SDC3: variants seen among roughly 807,000 people sequenced by gnomAD.
SDC3 encodes the protein syndecan 3, also known as syndecan-3.
Under a neutral mutation model 24.4 loss-of-function variants are expected in SDC3, and 13 were observed. The observed-to-expected ratio is 0.53, with a 90% CI of 0.35 to 0.85. SDC3 has a LOEUF of 0.85. SDC3 is among the 40% of genes least tolerant of loss of function. The pLI, the probability that SDC3 is intolerant of heterozygous loss-of-function variation, is 0.01. For missense variants in SDC3, 571 were observed against 584.5 expected, an observed-to-expected ratio of 0.98 and a Z score of 0.24; for synonymous variants, 295 against 260.9, an observed-to-expected ratio of 1.13 and a Z score of -1.26.
chr1:30,876,810 C>T lies in SDC3; in HGVS notation c.612G>A (p.Arg204=), dbSNP rs374723358. The T allele has an allele frequency of 2.3e-5, 37 of 1,608,504 alleles. No individual in the cohort carries two copies. Among genetic ancestry groups the T allele is most frequent in the South Asian group, 1.1e-4 (10 of 90,616 alleles). Residue 204 remains arginine (R), a synonymous_variant, in exon 3 of 5, where the codon AGG becomes AGA. Coordinates refer to ENST00000339394, the MANE Select transcript of SDC3 (RefSeq NM_014654.4). ...PPFTATTAVI[R]TTGVRRLLPL... ...GCAGAAGCCTCCGTACGCCAGTGGT[C>T]CTTATAACAGCAGTGGTGGCCGTAA...
chr1:30,890,806 C>T (rs2124329660), intron 1 of SDC3, among the ~76,000 whole-genome samples: 1 of 152,294 alleles, frequency 6.6e-6, no homozygotes, highest in African/African-American at 2.4e-5. Context: ...GCCCTGCTCA[C>T]CTCCTCTCCC....
At chr1:30,877,411 C>G (rs1639664588) in intron 2 of SDC3, 1 of 614,458 alleles carries the variant, frequency 1.6e-6, no homozygotes, top group Non-Finnish European at 2.9e-6. Flanking sequence ...GGAAGCCTTC[C>G]TTGACTATTC....
At position 30,908,608 on chromosome 1, in the gene SDC3, G is replaced by A; in HGVS notation, c.-22C>T. ...TCATGGCGGCGGCGCGGGCGCGGGC[G>A]GCGGGCGGCGGGCGGGCGCCTTTGT... On this transcript the variant is annotated 5_prime_UTR_variant, in exon 1 of 5. Coordinates refer to ENST00000339394, the MANE Select transcript of SDC3 (RefSeq NM_014654.4). 2.2e-6 allele frequency: 2 copies of A among 918,214 alleles called. No homozygotes were observed. The highest frequency in any genetic ancestry group is 2.6e-6 in the Non-Finnish European group (2 of 774,674). The allele number at this position is 918,214 out of a possible 1,614,324, so 56.9% of individuals were successfully genotyped here. A position where few individuals can be genotyped will look rare whatever the true frequency, so the allele number is the denominator to read the frequency against.
At chr1:30,878,513 G>T in intron 2 of SDC3, 110 bp downstream of exon 2, 1 of 812,684 alleles carries the variant, frequency 1.2e-6, no homozygotes, top group Non-Finnish European at 2.1e-6. Context: ...GACCCAGGCA[G>T]TGAATGCCCC....
In SDC3 at chr1:30,878,612, G is replaced by T. The variant is rs184949255; in HGVS notation, c.256+11C>A. 4 of 1,603,190 alleles carry T rather than the reference G, an allele frequency of 2.5e-6. No homozygotes were observed. The highest frequency in any genetic ancestry group is 2.7e-5 in the African/African-American group (2 of 74,906). On this transcript the variant is annotated intron_variant, in intron 2 of 4. Transcript: ENST00000339394. ...CTGCCCCCAGGCAGAGGTAGGGAGG[G>T]GGGTACTTACAGCCCGAGCCCGACC...
chr1:30,890,485 G>A (rs1325523601), intron 1 of SDC3, among the ~76,000 whole-genome samples: 1 of 152,226 alleles, frequency 6.6e-6, no homozygotes, highest in Non-Finnish European at 1.5e-5. Flanking sequence ...GCCTATGCCT[G>A]CAGGGATTGT....
chr1:30,907,339 G>T (rs1638539103), intron 1 of SDC3, among the ~76,000 whole-genome samples: 1 of 152,180 alleles, frequency 6.6e-6, no homozygotes, highest in South Asian at 2.1e-4. Flanking sequence ...CCCTGACGGA[G>T]CTGGGACCAA....
intron 1 of SDC3, among the ~76,000 whole-genome samples, chr1:30,904,960 C>A (rs1638486553): frequency 6.6e-6 from 1 of 152,142 alleles, no homozygotes; most frequent in Non-Finnish European, 1.5e-5. Flanking sequence ...GACTTTGAGA[C>A]AGAAAGAAAT....
chr1:30,885,702 C>A (rs1175836745), intron 1 of SDC3, among the ~76,000 whole-genome samples: 2 of 152,226 alleles, frequency 1.3e-5, no homozygotes, highest in Admixed American at 1.3e-4. Flanking sequence ...CTTGGCAGGA[C>A]CTGGCTCCCT....
Position 30,873,311 on chromosome 1 carries a change from C to G in SDC3, c.1229G>C (p.Arg410Pro). 1 of 1,612,522 alleles carries G rather than the reference C, an allele frequency of 6.2e-7. No individual in the cohort carries two copies. The highest frequency in any genetic ancestry group is 2.2e-5 in the East Asian group (1 of 44,876). The part of the protein sequence containing the change: ...AAFLVTLLIY[R>P]MKKKDEGSYT... ...GCTGCCCTCATCCTTTTTCTTCATA[C>G]GATAGATGAGCAGTGTGACCAAGAA... Residue 410 changes from arginine to proline, a missense_variant, in exon 5 of 5, where the codon CGT becomes CCT. Physicochemically the swap from Arg to Pro is moderately radical, Grantham distance 103. Transcript: ENST00000339394.
chr1:30,869,884 C>T lies in SDC3; in HGVS notation c.*3327G>A. 2.5e-6 allele frequency: 1 copy of T among 398,618 alleles called. No homozygotes were observed. Among genetic ancestry groups the T allele is most frequent in the Non-Finnish European group, 4.4e-6 (1 of 226,094 alleles). 24.7% of individuals were successfully genotyped at this position (398,618 alleles called of 1,614,324 possible). A position where few individuals can be genotyped will look rare whatever the true frequency, so the allele number is the denominator to read the frequency against. On this transcript the variant is annotated 3_prime_UTR_variant, in exon 5 of 5. Coordinates refer to ENST00000339394, the MANE Select transcript of SDC3 (RefSeq NM_014654.4). ...ACGAAAAATATTTACATGCATTTGCCACGCTGAGGCCAGGGTCACTGTGGT... is the reference window on the plus strand; with the variant it reads ...ACGAAAAATATTTACATGCATTTGCTACGCTGAGGCCAGGGTCACTGTGGT...
At chr1:30,876,251 GAATT>G (rs1243122296) in intron 3 of SDC3, among the ~76,000 whole-genome samples, 1 of 152,142 alleles carries the variant, frequency 6.6e-6, no homozygotes, top group Non-Finnish European at 1.5e-5. Flanking sequence ...CCAGACCACT[GAATT>G]AATTCTCTCA....
intron 1 of SDC3, among the ~76,000 whole-genome samples, chr1:30,879,502 G>C (rs1026787843): frequency 6.6e-6 from 1 of 152,094 alleles, no homozygotes; most frequent in Non-Finnish European, 1.5e-5. Context: ...TGCCCAGAAA[G>C]AAAAATACCC....
chr1:30,877,091 G>C lies in SDC3; in HGVS notation c.331C>G (p.Pro111Ala), dbSNP rs1220068502. Residue 111 changes from proline (P) to alanine (A), a missense_variant, in exon 3 of 5, where the codon CCT becomes GCT. Coordinates refer to ENST00000339394, the MANE Select transcript of SDC3 (RefSeq NM_014654.4). ...PDVALAVSTT[P>A]AVLPTTNIQP... ...ATGTTCGTGGTGGGCAGCACCGCAG[G>C]TGTGGTGGACACCGCCAGGGCTACA... 6.2e-7 allele frequency: 1 copy of C among 1,613,918 alleles called. No homozygotes were observed. Among genetic ancestry groups the C allele is most frequent in the Non-Finnish European group, 8.5e-7 (1 of 1,179,998 alleles).
At chr1:30,883,568 G>A (rs1032491802) in intron 1 of SDC3, among the ~76,000 whole-genome samples, 1 of 152,174 alleles carries the variant, frequency 6.6e-6, no homozygotes, top group South Asian at 2.1e-4. Context: ...TAGGGCAGTT[G>A]TGAGAATCAA....
chr1:30,908,953 C>T (rs1365696378), upstream of SDC3, among the ~76,000 whole-genome samples: 8 of 151,630 alleles, frequency 5.3e-5, no homozygotes, highest in East Asian at 1.6e-3. Context: ...GGCACCCGGA[C>T]ACCTGAGTGA....
chr1:30,890,283 G>A (rs1639886161), intron 1 of SDC3, among the ~76,000 whole-genome samples: 1 of 152,222 alleles, frequency 6.6e-6, no homozygotes, highest in East Asian at 1.9e-4. Flanking sequence ...CCCCAGCCTG[G>A]GCAACAAGAG....
At position 30,873,117 on chromosome 1, in the gene SDC3, T is replaced by C; in HGVS notation, c.*94A>G. On this transcript the variant is annotated 3_prime_UTR_variant, in exon 5 of 5. Coordinates refer to ENST00000339394, the MANE Select transcript of SDC3 (RefSeq NM_014654.4). ...AGGGCAGAGAAGAACTGGGGCCAGG[T>C]TCCAGGCCCAGTCCCAGGCTTGGGC... 3 of 900,680 alleles carry C rather than the reference T, an allele frequency of 3.3e-6. No homozygotes were observed. The highest frequency in any genetic ancestry group is 5.4e-6 in the Non-Finnish European group (3 of 553,766). The allele number at this position is 900,680 out of a possible 1,614,324, so 55.8% of individuals were successfully genotyped here.
intron 1 of SDC3, among the ~76,000 whole-genome samples, chr1:30,885,606 G>C (rs1244424593): frequency 1.3e-5 from 2 of 152,200 alleles, no homozygotes; most frequent in African/African-American, 2.4e-5. Context: ...AACTGAAAAG[G>C]GGGGTGGAAA....
Sources: gnomAD v4.1 joint callset for allele counts (sites outside exome capture counted in the v4.1 genomes callset) on GRCh38, gnomAD v4.1.1 for gene constraint, MANE v1.5 for transcripts, NCBI Gene and HGNC (gene_info 2026-07-23, HGNC 2026-07-21) for gene names.